Variants in USP9X observed in about 807,000 individuals in gnomAD.
USP9X encodes ubiquitin carboxyl-terminal hydrolase 9X.
USP9X carries 7 observed loss-of-function variants against 190.3 expected under a neutral mutation model. The observed-to-expected ratio is 0.04, with a 90% CI of 0.02 to 0.07. The LOEUF is 0.07. USP9X is among the 10% of genes least tolerant of loss of function. USP9X has a pLI of 1.00. For missense variants in USP9X, 1,010 were observed against 1,916.9 expected (o/e 0.53, Z 8.83); for synonymous variants, 645 against 659.5 (o/e 0.98, Z 0.34).
intron 33 of USP9X, among the ~76,000 whole-genome samples, chrX:41,211,131 A>C (rs140714375): frequency 3.8e-3 from 425 of 111,816 alleles, no homozygotes; most frequent in African/African-American, 0.013. Context: ...AGCTGGGACT[A>C]CAGGCATGTG....
intron 1 of USP9X, among the ~76,000 whole-genome samples, chrX:41,107,615 C>G (rs954337057): frequency 8.9e-6 from 1 of 111,958 alleles, no homozygotes; most frequent in Non-Finnish European, 1.9e-5. Flanking sequence ...CTTCAAATGT[C>G]TTTTCTGTTC....
chrX:41,136,998 T>C lies in USP9X; in HGVS notation c.630T>C (p.Arg210=). ...VQLPEDELFA[R]SPDPRSPKGW... is the part of the protein sequence containing the mutation. ...TGCCTGAAGATGAACTCTTTGCTCG[T>C]TCTCCAGATCCTCGATCACCAAAGG... The change falls in exon 6 of 45, where the codon CGT becomes CGC. Residue 210 remains arginine, a synonymous_variant. Coordinates refer to ENST00000378308, the MANE Select transcript of USP9X (RefSeq NM_001039591.3). 8.3e-6 allele frequency: 10 copies of C among 1,211,747 alleles called. No homozygotes were observed. The highest frequency in any genetic ancestry group is 1.1e-5 in the Non-Finnish European group (10 of 895,248).
At chrX:41,125,672 ACACACACACACACTCTCT>A (rs1452698592) in intron 2 of USP9X, among the ~76,000 whole-genome samples, 7 of 48,662 alleles carry the variant, frequency 1.4e-4, no homozygotes, top group South Asian at 2.0e-3. Context: ...ACACACACAC[ACACACACACACACTCTCT>A]CTCTCTCTCT....
Position 41,136,800 on chromosome X carries a change from A to G in USP9X, c.436-4A>G. On this transcript the variant is annotated splice_polypyrimidine_tract_variant and splice_region_variant and intron_variant, in intron 5 of 44. Transcript: ENST00000378308. ...GTAAATCGCCTTTCCCCCTTGTATA[A>G]CAGAGGTGTATTATTAACAATACTC... 1 of 1,199,552 alleles carries G rather than the reference A, an allele frequency of 8.3e-7. No individual in the cohort carries two copies. Among genetic ancestry groups the G allele is most frequent in the South Asian group, 1.8e-5 (1 of 56,377 alleles).
At chrX:41,170,380 C>T (rs756859645) in intron 19 of USP9X, 90 bp from the exon 20 acceptor site, 15 of 1,098,196 alleles carry the variant, frequency 1.4e-5, no homozygotes, top group East Asian at 1.2e-4. Context: ...TGTAGTCTTT[C>T]GGATTTTTTG....
chrX:41,226,377 T>C (rs2063312864), intron 41 of USP9X, among the ~76,000 whole-genome samples: 1 of 111,905 alleles, frequency 8.9e-6, no homozygotes, highest in South Asian at 3.7e-4. Flanking sequence ...TGGTATTAGT[T>C]GACAGCACTG....
At chrX:41,226,436 G>T (rs1455813521) in intron 41 of USP9X, among the ~76,000 whole-genome samples, 1 of 111,969 alleles carries the variant, frequency 8.9e-6, no homozygotes, top group Non-Finnish European at 1.9e-5. Flanking sequence ...ATAATAGTTT[G>T]TTTGGGAAAA....
intron 1 of USP9X, among the ~76,000 whole-genome samples, chrX:41,115,222 A>G (rs79101157): frequency 2.7e-5 from 2 of 73,456 alleles, no homozygotes; most frequent in Non-Finnish European, 5.7e-5. Flanking sequence ...CTCCGTCTCC[A>G]AAAAAAAAAA....
Position 41,218,487 on chromosome X carries a change from A to G in USP9X, c.6325A>G (p.Ser2109Gly). Residue 2109 changes from serine to glycine, a missense_variant, in exon 37 of 45, where the codon AGT becomes GGT. Ser to Gly is a moderately conservative substitution (Grantham distance 56, BLOSUM62 0). Around this residue, in one of 11 missense-constraint regions of USP9X, gnomAD observed 121 missense variants for 281.2 expected, o/e 0.43. Transcript: ENST00000378308. ...RFSEYLLECP[S>G]AEVRGAFAKL... ...CTCCGAATACCTTCTGGAGTGCCCT[A>G]GTGCAGAAGTGAGGGGTGCGTTTGC... 2 of 1,211,774 alleles carry G rather than the reference A, an allele frequency of 1.7e-6. No homozygotes were observed. Among genetic ancestry groups the G allele is most frequent in the Non-Finnish European group, 2.2e-6 (2 of 895,517 alleles).
At chrX:41,175,121 G>A (rs1334730766) in intron 21 of USP9X, among the ~76,000 whole-genome samples, 2 of 112,271 alleles carry the variant, frequency 1.8e-5, no homozygotes, top group African/African-American at 6.5e-5. Context: ...TTATCTTGAT[G>A]CTGAAATGAT....
rs2062417445 is a variant in USP9X, at chrX:41,140,959, A to C, written c.771-7A>C. On this transcript the variant is annotated splice_polypyrimidine_tract_variant and splice_region_variant and intron_variant, in intron 7 of 44. Coordinates refer to ENST00000378308, the MANE Select transcript of USP9X (RefSeq NM_001039591.3). ...TTTACAGGAGTTTTGTATCTTTCTT[A>C]TTTCAGACCATTTGGGCAATGCTAT... 3 of 1,164,836 alleles carry C rather than the reference A, an allele frequency of 2.6e-6. No homozygotes were observed. The African/African-American group carries it at 5.4e-5, about 21-fold the overall frequency.
chrX:41,122,467 C>T (rs1363612012), intron 1 of USP9X, among the ~76,000 whole-genome samples: 1 of 112,027 alleles, frequency 8.9e-6, no homozygotes, highest in Non-Finnish European at 1.9e-5. Flanking sequence ...GGAGAGTTCC[C>T]TGACGCCCTC....
intron 21 of USP9X, among the ~76,000 whole-genome samples, chrX:41,176,882 A>G (rs1164798458): frequency 8.9e-6 from 1 of 112,151 alleles, no homozygotes; most frequent in Non-Finnish European, 1.9e-5. Context: ...TCTCTAGGCT[A>G]TTACTGATGG....
chrX:41,112,531 C>T (rs1254268934), intron 1 of USP9X, among the ~76,000 whole-genome samples: 4 of 111,692 alleles, frequency 3.6e-5, no homozygotes, highest in African/African-American at 1.3e-4. Flanking sequence ...AATAAAGCAC[C>T]TACTGTTGTG....
chrX:41,162,975 C>A, intron 15 of USP9X, 98 bp downstream of exon 15: 1 of 479,200 alleles, frequency 2.1e-6, no homozygotes, highest in East Asian at 4.1e-5. Flanking sequence ...GTGGCCTTTT[C>A]CCAAGTCCCC....
At chrX:41,123,853 G>T in intron 2 of USP9X, 129 bp downstream of exon 2, 1 of 583,345 alleles carries the variant, frequency 1.7e-6, no homozygotes, top group Non-Finnish European at 2.7e-6. Context: ...GACCAGCCTG[G>T]TCAACAGGGT....
intron 1 of USP9X, among the ~76,000 whole-genome samples, chrX:41,091,548 A>C (rs909181993): frequency 1.8e-5 from 2 of 112,529 alleles, no homozygotes; most frequent in African/African-American, 6.5e-5. Flanking sequence ...GCACCTAGAA[A>C]GTGCCTGGCA....
At position 41,085,951 on chromosome X, in the gene USP9X, G is replaced by C. The variant is rs886359802; in HGVS notation, c.-317G>C. 3.4e-6 allele frequency: 1 copy of C among 296,213 alleles called. No homozygotes were observed. The highest frequency in any genetic ancestry group is 2.7e-5 in the African/African-American group (1 of 36,372). 24.4% of individuals were successfully genotyped at this position (296,213 alleles called of 1,213,427 possible). A position where few individuals can be genotyped will look rare whatever the true frequency, so the allele number is the denominator to read the frequency against. On this transcript the variant is annotated 5_prime_UTR_variant, in exon 1 of 45. Coordinates refer to ENST00000378308, the MANE Select transcript of USP9X (RefSeq NM_001039591.3). ...TTTTGGTTGAGACGCCCGCAGCCCC[G>C]AGCCCGGCCGCCGCAGCCTTTCGAT...
At chrX:41,178,551 C>A (rs1198560011) in intron 21 of USP9X, among the ~76,000 whole-genome samples, 1 of 111,770 alleles carries the variant, frequency 8.9e-6, no homozygotes, top group Non-Finnish European at 1.9e-5. Flanking sequence ...CTATTCAAGT[C>A]TTTTGCCCAT....
Sources: gnomAD v4.1 joint callset for allele counts (sites outside exome capture counted in the v4.1 genomes callset) on GRCh38, gnomAD v4.1.1 for gene constraint, gnomAD v4.1.1 regional missense constraint, MANE v1.5 for transcripts, NCBI Gene and HGNC (gene_info 2026-07-23, HGNC 2026-07-21) for gene names.